The following LUZP1 variants were observed in gnomAD, a reference collection of about 807,000 sequenced individuals.
The protein encoded by LUZP1 is leucine zipper protein 1.
LUZP1 carries 25 observed loss-of-function variants against 71.3 expected under a neutral mutation model. The ratio of observed to expected loss-of-function variants is 0.35; its 90% confidence interval spans 0.26 to 0.49. The LOEUF (loss-of-function observed/expected upper bound fraction) is 0.49. Among genes scored for constraint, LUZP1 ranks in the 20% least tolerant of loss-of-function variants. The pLI, the probability that LUZP1 is intolerant of heterozygous loss-of-function variation, is 0.99. For synonymous variants in LUZP1, 481 were observed against 506.4 expected, an observed-to-expected ratio of 0.95 and a Z score of 0.67; for missense variants, 1,142 against 1,300.8, an observed-to-expected ratio of 0.88 and a Z score of 1.88.
chr1:23,140,711 T>C (rs1319441510), intron 2 of LUZP1: 4 of 152,492 alleles, frequency 2.6e-5, no homozygotes, highest in African/African-American at 4.8e-5. Flanking sequence ...CTTGGACCCC[T>C]TGTCCCCCTC....
chr1:23,086,555 G>C (rs902799163), exon 5 of LUZP1: 4 of 152,656 alleles, frequency 2.6e-5, no homozygotes, highest in Admixed American at 2.0e-4. Flanking sequence ...AATTATTGGC[G>C]AGATCTTTTT....
chr1:23,112,771 G>A (rs1390667372), intron 2 of LUZP1, among the ~76,000 whole-genome samples: 2 of 152,136 alleles, frequency 1.3e-5, no homozygotes, highest in Non-Finnish European at 2.9e-5. Context: ...TAGGCTTTCT[G>A]TCCTGAAGAA....
exon 5 of LUZP1, chr1:23,085,505 T>TAACAA (rs367589444): frequency 2.0e-5 from 3 of 152,396 alleles, no homozygotes; most frequent in African/African-American, 7.2e-5. Context: ...GTCAGAGAAA[T>TAACAA]AACAAAACCT....
At chr1:23,134,531 C>T (rs1419581517) in intron 2 of LUZP1, among the ~76,000 whole-genome samples, 1 of 152,110 alleles carries the variant, frequency 6.6e-6, no homozygotes, top group South Asian at 2.1e-4. Context: ...GAAATCCCAG[C>T]ACTTTGGGAG....
At chr1:23,124,789 T>A (rs1305056683) in intron 2 of LUZP1, among the ~76,000 whole-genome samples, 2 of 152,182 alleles carry the variant, frequency 1.3e-5, no homozygotes, top group African/African-American at 4.8e-5. Context: ...TCACCTGACT[T>A]CATATTCTAG....
intron 4 of LUZP1, 105 bp from the exon 4 acceptor site, chr1:23,089,158 G>C (rs1444269865): frequency 1.0e-5 from 11 of 1,067,528 alleles, no homozygotes; most frequent in Non-Finnish European, 1.5e-5. Flanking sequence ...AGCAGAGGCA[G>C]ATATAGCCCA....
At chr1:23,118,472 G>A (rs1421613127) in intron 2 of LUZP1, among the ~76,000 whole-genome samples, 2 of 152,168 alleles carry the variant, frequency 1.3e-5, no homozygotes, top group African/African-American at 4.8e-5. Context: ...GTAGAATCCT[G>A]AGTTCTACTC....
chr1:23,111,069 A>G (rs1183944506), intron 2 of LUZP1, among the ~76,000 whole-genome samples: 1 of 151,706 alleles, frequency 6.6e-6, no homozygotes, highest in Non-Finnish European at 1.5e-5. Context: ...GCATGGTGAC[A>G]TGTGCCTATA....
At chr1:23,091,450 T>A (rs770363337) in exon 4 of LUZP1, 1 of 1,613,986 alleles carries the variant, frequency 6.2e-7, no homozygotes, top group Admixed American at 1.7e-5. Flanking sequence ...CCTATTCGAG[T>A]TGGGGGGTCT....
rs576293335 is a variant in LUZP1, at chr1:23,094,102, C to T, written c.160G>A (p.Ala54Thr). ...AACATGCTGGAGTTGCTACCTTCTG[C>T]CTGAATCACCTTGTCCTGGAGATCC... The change falls in exon 4 of 5, where the codon GCA becomes ACA. Residue 54 changes from alanine to threonine, a missense_variant. Ala to Thr is a moderately conservative substitution (Grantham distance 58). Transcript: ENST00000302291. This position sits in a 1 kb window ranked among gnomAD's most constrained non-coding sequence, Gnocchi z 4.7. The T allele has an allele frequency of 3.1e-6, 5 of 1,614,208 alleles. No homozygotes were observed. The highest frequency in any genetic ancestry group is 1.6e-4 in the Middle Eastern group (1 of 6,062).
At chr1:23,126,660 T>C (rs1387057550) in intron 2 of LUZP1, among the ~76,000 whole-genome samples, 1 of 152,182 alleles carries the variant, frequency 6.6e-6, no homozygotes, top group African/African-American at 2.4e-5. Flanking sequence ...GAAGGCACCA[T>C]TTTAGAAAAC....
intron 2 of LUZP1, among the ~76,000 whole-genome samples, chr1:23,114,435 G>A (rs1002281543): frequency 5.3e-5 from 8 of 152,156 alleles, no homozygotes; most frequent in African/African-American, 1.9e-4. Flanking sequence ...ACCAATCAGG[G>A]GGTATGGGGC....
At chr1:23,097,699 A>C (rs1643900398) in intron 3 of LUZP1, among the ~76,000 whole-genome samples, 1 of 152,194 alleles carries the variant, frequency 6.6e-6, no homozygotes, top group African/African-American at 2.4e-5. Context: ...TAAAATTAGA[A>C]GGTACAGTGG....
intron 2 of LUZP1, among the ~76,000 whole-genome samples, chr1:23,118,495 C>T (rs1644104276): frequency 6.6e-6 from 1 of 152,202 alleles, no homozygotes; most frequent in Non-Finnish European, 1.5e-5. Context: ...GTCTCTCCAA[C>T]TTACTAGAAT....
chr1:23,146,181 C>T (rs1214206802), intron 2 of LUZP1, among the ~76,000 whole-genome samples: 1 of 152,028 alleles, frequency 6.6e-6, no homozygotes, highest in Non-Finnish European at 1.5e-5. Flanking sequence ...CAGGCACATG[C>T]TAATTTTTGT....
chr1:23,122,990 T>C (rs1644141794), intron 2 of LUZP1, among the ~76,000 whole-genome samples: 1 of 152,178 alleles, frequency 6.6e-6, no homozygotes, highest in African/African-American at 2.4e-5. Flanking sequence ...AAAGAAAAAC[T>C]GAAGGACAAG....
At chr1:23,138,663 TTGTGTGTGTG>T (rs550739499) in intron 2 of LUZP1, among the ~76,000 whole-genome samples, 12 of 125,680 alleles carry the variant, frequency 9.5e-5, no homozygotes, top group South Asian at 6.1e-4. Context: ...GATTATGTGT[TTGTGTGTGTG>T]TGTGTGTGTG....
At chr1:23,108,890 G>A (rs1202445064) in intron 3 of LUZP1, 132 bp downstream of exon 2, 2 of 152,142 alleles carry the variant, frequency 1.3e-5, no homozygotes. Context: ...ACTCAGCATA[G>A]TATTTGGTTC....
At chr1:23,164,033 C>T (rs1644490407) in intron 2 of LUZP1, 2 of 152,134 alleles carry the variant, frequency 1.3e-5, no homozygotes, top group South Asian at 4.1e-4. Context: ...GGAGGGAACA[C>T]TATTATAGTC....
Sources: allele counts gnomAD v4.1 joint callset (sites outside exome capture counted in the v4.1 genomes callset), GRCh38; gene constraint gnomAD v4.1.1; non-coding constraint Gnocchi (gnomAD v3.1); transcripts MANE v1.5; gene names NCBI Gene and HGNC (gene_info 2026-07-23, HGNC 2026-07-21).